ETV1: variants seen among roughly 807,000 people sequenced by gnomAD.
ETV1 encodes ETS translocation variant 1.
ETV1 carries 27 observed loss-of-function variants against 62.3 expected under a neutral mutation model. That is an observed-to-expected ratio of 0.43 (90% CI 0.32 to 0.60). ETV1 has a LOEUF of 0.60. Ranked by LOEUF, ETV1 falls within the 20% of genes least tolerant of loss-of-function variation. ETV1 has a pLI of 0.06. For missense variants in ETV1, 605 were observed against 605.8 expected (o/e 1.00, Z 0.01); for synonymous variants, 222 against 199.6 (o/e 1.11, Z -0.94).
At chr7:13,942,047 G>T (rs1469883626) in intron 6 of ETV1, among the ~76,000 whole-genome samples, 1 of 134,322 alleles carries the variant, frequency 7.4e-6, no homozygotes, top group Non-Finnish European at 1.6e-5. Flanking sequence ...TTTTTGAGAC[G>T]GAGTCTCACT....
At chr7:13,925,621 G>T (rs568015955) in intron 9 of ETV1, among the ~76,000 whole-genome samples, 10 of 150,354 alleles carry the variant, frequency 6.7e-5, no homozygotes, top group African/African-American at 2.2e-4. Flanking sequence ...GCTGGAGTGC[G>T]GTGGCGCGAT....
At chr7:13,971,940 C>T (rs573622280) in intron 6 of ETV1, among the ~76,000 whole-genome samples, 2 of 152,044 alleles carry the variant, frequency 1.3e-5, no homozygotes, top group African/African-American at 4.8e-5. Flanking sequence ...AGTGAAACTC[C>T]GTCTCCACTA....
At chr7:13,947,381 C>A (rs1230330431) in intron 6 of ETV1, among the ~76,000 whole-genome samples, 1 of 100,098 alleles carries the variant, frequency 1.0e-5, no homozygotes. Flanking sequence ...TAATAGAAAA[C>A]ACTAACTATA....
Position 13,989,383 on chromosome 7 carries a change from TGTACCCCGG to T in ETV1, c.-212_-204del, listed in dbSNP as rs1317778596. Reference sequence around the variant, plus strand: ...TCTCGATGTTTCCCTGCGCGGTCGGTGTACCCCGGGCAGCTCTGATTCGCAAACGTGTGC... The same window carrying T: ...TCTCGATGTTTCCCTGCGCGGTCGGTGCAGCTCTGATTCGCAAACGTGTGC... On this transcript the variant is annotated 5_prime_UTR_variant, in exon 2 of 14. Transcript: ENST00000430479. 1 of 483,222 alleles carries T rather than the reference TGTACCCCGG, an allele frequency of 2.1e-6. No homozygotes were observed. Among genetic ancestry groups the T allele is most frequent in the Non-Finnish European group, 3.6e-6 (1 of 276,484 alleles). 29.9% of individuals were successfully genotyped at this position (483,222 alleles called of 1,614,324 possible).
At chr7:13,969,952 G>A (rs1041753557) in intron 6 of ETV1, among the ~76,000 whole-genome samples, 2 of 151,972 alleles carry the variant, frequency 1.3e-5, no homozygotes, top group Non-Finnish European at 2.9e-5. Flanking sequence ...TACATAAACT[G>A]CTTTGACAAA....
chr7:13,942,066 C>T (rs1425039795), intron 6 of ETV1, among the ~76,000 whole-genome samples: 3 of 141,186 alleles, frequency 2.1e-5, no homozygotes, highest in Non-Finnish European at 3.0e-5. Flanking sequence ...CTCTTTCGCC[C>T]AGGCTGGAGT....
chr7:13,903,496 C>T (rs915412915), intron 12 of ETV1, among the ~76,000 whole-genome samples: 1 of 152,002 alleles, frequency 6.6e-6, no homozygotes, highest in African/African-American at 2.4e-5. Context: ...GGCACAGTGG[C>T]TCACACCTGT....
intron 6 of ETV1, among the ~76,000 whole-genome samples, chr7:13,961,159 AAAAAAG>A (rs1405470998): frequency 2.0e-5 from 3 of 151,898 alleles, no homozygotes; most frequent in African/African-American, 7.3e-5. Context: ...AAAAAAAGAA[AAAAAAG>A]AAAAAGAAAA....
At position 13,895,776 on chromosome 7, in the gene ETV1, C is replaced by G; in HGVS notation, c.*90G>C. ...TTATTATTTAAAAATAAAATACAAA[C>G]AACAGAAATAAAACAAAGATTCAGC... On this transcript the variant is annotated 3_prime_UTR_variant, in exon 14 of 14. Coordinates refer to ENST00000430479, the MANE Select transcript of ETV1 (RefSeq NM_004956.5). 1 of 868,668 alleles carries G rather than the reference C, an allele frequency of 1.2e-6. No individual in the cohort carries two copies. Among genetic ancestry groups the G allele is most frequent in the Non-Finnish European group, 1.8e-6 (1 of 551,230 alleles). The allele number at this position is 868,668 out of a possible 1,614,324, so 53.8% of individuals were successfully genotyped here.
At chr7:13,949,044 G>A (rs1024048599) in intron 6 of ETV1, among the ~76,000 whole-genome samples, 2 of 152,180 alleles carry the variant, frequency 1.3e-5, no homozygotes, top group Admixed American at 6.5e-5. Flanking sequence ...GGGTGATGAT[G>A]TATAACATGG....
chr7:13,938,501 G>C (rs904544840), intron 7 of ETV1, among the ~76,000 whole-genome samples: 4 of 152,110 alleles, frequency 2.6e-5, no homozygotes, highest in Admixed American at 2.0e-4. Context: ...GCAATTAAAG[G>C]CCAATATGAA....
chr7:13,913,908 A>G (rs1446714402), intron 9 of ETV1, among the ~76,000 whole-genome samples: 1 of 117,606 alleles, frequency 8.5e-6, no homozygotes, highest in East Asian at 2.3e-4. Flanking sequence ...TTTTTGAGAC[A>G]GAGTCTCGCT....
At chr7:13,910,904 C>T (rs1305585293) in intron 10 of ETV1, among the ~76,000 whole-genome samples, 1 of 152,114 alleles carries the variant, frequency 6.6e-6, no homozygotes, top group Non-Finnish European at 1.5e-5. Context: ...TCTGTAAAAG[C>T]AAAACCAAAT....
intron 6 of ETV1, among the ~76,000 whole-genome samples, chr7:13,957,064 C>CTATT (rs1221663290): frequency 4.6e-5 from 7 of 151,822 alleles, no homozygotes; most frequent in East Asian, 3.9e-4. Flanking sequence ...CCTAAGTCAC[C>CTATT]TATTTATTTA....
chr7:13,987,293 T>C (rs1782634445), intron 4 of ETV1, among the ~76,000 whole-genome samples: 1 of 152,174 alleles, frequency 6.6e-6, no homozygotes, highest in South Asian at 2.1e-4. Flanking sequence ...TTCTAAACTA[T>C]ATGGTCATGT....
chr7:13,924,686 C>T (rs1344317126), intron 9 of ETV1, among the ~76,000 whole-genome samples: 1 of 152,178 alleles, frequency 6.6e-6, no homozygotes, highest in Non-Finnish European at 1.5e-5. Context: ...AAATCATGAA[C>T]TCTTCACTAA....
chr7:13,952,732 G>T (rs554121470), intron 6 of ETV1, among the ~76,000 whole-genome samples: 1 of 152,258 alleles, frequency 6.6e-6, no homozygotes, highest in African/African-American at 2.4e-5. Flanking sequence ...AAAGTAAGAT[G>T]TTAGTATATT....
intron 6 of ETV1, among the ~76,000 whole-genome samples, chr7:13,956,279 T>C (rs564854092): frequency 4.6e-5 from 7 of 152,314 alleles, no homozygotes; most frequent in Admixed American, 1.3e-4. Context: ...TGTTACACTT[T>C]ATAGAGTTGT....
chr7:13,910,711 C>A (rs1206792824), intron 10 of ETV1, among the ~76,000 whole-genome samples: 1 of 152,166 alleles, frequency 6.6e-6, no homozygotes, highest in African/African-American at 2.4e-5. Context: ...GTATCAAAGT[C>A]CTTTACAGGC....
Sources: gnomAD v4.1 joint callset for allele counts (sites outside exome capture counted in the v4.1 genomes callset) on GRCh38, gnomAD v4.1.1 for gene constraint, MANE v1.5 for transcripts, NCBI Gene and HGNC (gene_info 2026-07-23, HGNC 2026-07-21) for gene names.